The following PCDHGB4 variants were observed in gnomAD, a reference collection of about 807,000 sequenced individuals.
PCDHGB4 encodes protocadherin gamma subfamily B, 4.
In PCDHGB4, 38 loss-of-function variants were observed where a neutral mutation model predicts 60.5. The observed-to-expected ratio is 0.63, with a 90% CI of 0.48 to 0.82. The LOEUF is 0.82. Among genes scored for constraint, PCDHGB4 ranks in the 40% least tolerant of loss-of-function variants. The probability of loss-of-function intolerance (pLI) is 0.00; values close to 1 mark genes in which losing one functional copy is unlikely to be tolerated. For missense variants in PCDHGB4, 1,109 were observed against 1,209.6 expected (o/e 0.92, Z 1.23); for synonymous variants, 456 against 509.7 (o/e 0.89, Z 1.42).
At chr5:141,392,945 C>A in intron 1 of PCDHGB4, 2 of 1,613,916 alleles carry the variant, frequency 1.2e-6, no homozygotes, top group Non-Finnish European at 1.7e-6. Flanking sequence ...AAGGCTCCTT[C>A]GTGGGTAATA....
chr5:141,410,849 C>CTTTTTTTTCTTTTT (rs2095433387), intron 1 of PCDHGB4: 1 of 129,786 alleles, frequency 7.7e-6, no homozygotes, highest in African/African-American at 6.0e-5. Flanking sequence ...TTGTCTTTGT[C>CTTTTTTTTCTTTTT]TTTTTTTTTT....
intron 1 of PCDHGB4, chr5:141,423,320 T>C: frequency 6.2e-7 from 1 of 1,614,148 alleles, no homozygotes; most frequent in Non-Finnish European, 8.5e-7. Flanking sequence ...GTGGTGGCGG[T>C]GGCCGCAGTC....
In PCDHGB4 at chr5:141,490,584, T is replaced by C; in HGVS notation, c.2398-4223T>C. The stretch of plus-strand genomic sequence containing the variant: ...TCAGGCTCAACATTTCAGATGTCAA[T>C]GACAATGCACCCCGCTTCAACCAGC... On this transcript the variant is annotated intron_variant, in intron 1 of 3. Coordinates refer to ENST00000519479, the MANE Select transcript of PCDHGB4 (RefSeq NM_003736.4). The surrounding 1 kb of genome is among the most constrained non-coding windows in gnomAD (Gnocchi z 5.4). 6.2e-7 allele frequency: 1 copy of C among 1,614,170 alleles called. No individual in the cohort carries two copies. Among genetic ancestry groups the C allele is most frequent in the South Asian group, 1.1e-5 (1 of 91,080 alleles).
chr5:141,404,932 C>A, intron 1 of PCDHGB4: 1 of 1,613,944 alleles, frequency 6.2e-7, no homozygotes, highest in Non-Finnish European at 8.5e-7. Flanking sequence ...CTGTCACGCT[C>A]ACAGTAGCCA....
Position 141,485,302 on chromosome 5 carries a change from T to C in PCDHGB4, c.2398-9505T>C. 1.2e-6 allele frequency: 2 copies of C among 1,614,152 alleles called. No homozygotes were observed. Among genetic ancestry groups the C allele is most frequent in the South Asian group, 2.2e-5 (2 of 91,078 alleles). On this transcript the variant is annotated intron_variant, in intron 1 of 3. Coordinates refer to ENST00000519479, the MANE Select transcript of PCDHGB4 (RefSeq NM_003736.4). This position sits in a 1 kb window ranked among gnomAD's most constrained non-coding sequence, Gnocchi z 5.7. ...TCCCAGAGGAGTCACAGGAAGGGAC[T>C]TTTGTAGGGAATGTCGCTCAAGATT... is the stretch of plus-strand genomic sequence containing the variant.
In PCDHGB4 at chr5:141,477,247, T is replaced by C; in HGVS notation, c.2398-17560T>C. On this transcript the variant is annotated intron_variant, in intron 1 of 3. Transcript: ENST00000519479. This position sits in a 1 kb window ranked among gnomAD's most constrained non-coding sequence, Gnocchi z 4.9. ...CTGTCATCGCTTTGCTCAGTGTGAC[T>C]GACCTGGATGCTGGCGAGAACGGGC... The C allele has an allele frequency of 6.2e-7, 1 of 1,614,208 alleles. No individual in the cohort carries two copies. Among genetic ancestry groups the C allele is most frequent in the Non-Finnish European group, 8.5e-7 (1 of 1,180,040 alleles).
chr5:141,468,330 CAA>C lies in PCDHGB4; in HGVS notation c.2398-26459_2398-26458del, dbSNP rs533390277. 202 of 79,822 alleles carry C rather than the reference CAA, an allele frequency of 2.5e-3. 2 individuals are homozygous for C. The highest frequency in any genetic ancestry group is 7.9e-3 in the Middle Eastern group (1 of 126). The allele number at this position is 79,822 out of a possible 1,614,324, so 4.9% of individuals were successfully genotyped here. Reference sequence around the variant, plus strand: ...ACAAGAGCAACGGTAAACTCCATCTCAAAAAAAAAAAAAAAAAAAGAAAGAAA... The same window carrying C: ...ACAAGAGCAACGGTAAACTCCATCTCAAAAAAAAAAAAAAAAAGAAAGAAA... On this transcript the variant is annotated intron_variant, in intron 1 of 3. Transcript: ENST00000519479.
chr5:141,447,299 C>A (rs543731556), intron 1 of PCDHGB4, among the ~76,000 whole-genome samples: 38 of 152,102 alleles, frequency 2.5e-4, no homozygotes, highest in Middle Eastern at 6.8e-3. Context: ...GCCACCACAC[C>A]CGGCTAATTT....
intron 1 of PCDHGB4, among the ~76,000 whole-genome samples, chr5:141,459,747 A>G (rs553965181): frequency 3.2e-4 from 48 of 152,318 alleles, no homozygotes; most frequent in African/African-American, 1.1e-3. Flanking sequence ...AATTTTAGCA[A>G]TTCTAGTGGG....
chr5:141,462,375 T>G (rs2099038282), intron 1 of PCDHGB4, among the ~76,000 whole-genome samples: 1 of 152,252 alleles, frequency 6.6e-6, no homozygotes, highest in Non-Finnish European at 1.5e-5. Context: ...TTCTATTCTT[T>G]TAAATTCGTT....
At chr5:141,393,524 C>T (rs1197723193) in intron 1 of PCDHGB4, 4 of 1,614,010 alleles carry the variant, frequency 2.5e-6, no homozygotes, top group South Asian at 2.2e-5. Context: ...ATACAAATGA[C>T]AATGCCCCGG....
rs1196201183 is a variant in PCDHGB4, at chr5:141,490,944, G to A, written c.2398-3863G>A. ...ATGCCCCAGCTGTGCTGCACCCACG[G>A]CCAGACTGGGAACACTCAGCCCCCC... On this transcript the variant is annotated intron_variant, in intron 1 of 3. Transcript: ENST00000519479. This position sits in a 1 kb window ranked among gnomAD's most constrained non-coding sequence, Gnocchi z 5.4. 6.2e-7 allele frequency: 1 copy of A among 1,613,488 alleles called. No individual in the cohort carries two copies. The highest frequency in any genetic ancestry group is 1.3e-5 in the African/African-American group (1 of 74,906).
At chr5:141,429,468 A>G (rs2097217267) in intron 1 of PCDHGB4, among the ~76,000 whole-genome samples, 1 of 152,048 alleles carries the variant, frequency 6.6e-6, no homozygotes, top group Admixed American at 6.6e-5. Flanking sequence ...TCCCACCTCA[A>G]TCTCCAGAGT....
Position 141,490,157 on chromosome 5 carries a change from G to T in PCDHGB4, c.2398-4650G>T. 1 of 1,614,210 alleles carries T rather than the reference G, an allele frequency of 6.2e-7. No homozygotes were observed. The highest frequency in any genetic ancestry group is 8.5e-7 in the Non-Finnish European group (1 of 1,180,038). On this transcript the variant is annotated intron_variant, in intron 1 of 3. Transcript: ENST00000519479. This position sits in a 1 kb window ranked among gnomAD's most constrained non-coding sequence, Gnocchi z 5.4. ...AGCAGTGGGGCAATCCATGTGTTGGGTCCCATAGACTTTGAGGAGTCACGT... is the reference window on the plus strand; with the variant it reads ...AGCAGTGGGGCAATCCATGTGTTGGTTCCCATAGACTTTGAGGAGTCACGT...
rs61612330 is a variant in PCDHGB4 at position 141,454,796 on chromosome 5, A to ATTTTTTTTTT, written c.2398-39991_2398-39982dup. Among the ~76,000 whole-genome samples, 264 of 77,454 alleles carry ATTTTTTTTTT rather than the reference A, an allele frequency of 3.4e-3. 39 individuals carry two copies. Among genetic ancestry groups the ATTTTTTTTTT allele is most frequent in the African/African-American group, 0.012 (196 of 16,878 alleles). 50.8% of individuals were successfully genotyped at this position (77,454 alleles called of 152,430 possible). A position where few individuals can be genotyped will look rare whatever the true frequency, so the allele number is the denominator to read the frequency against. ...AAGGAAATAATCCTCCATGGTTCTA[A>ATTTTTTTTTT]TTTTTTTTTTTTTTTTTTTTTTTTT... On this transcript the variant is annotated intron_variant, in intron 1 of 3. Transcript: ENST00000519479.
At chr5:141,502,291 G>A (rs1346186675) in intron 2 of PCDHGB4, among the ~76,000 whole-genome samples, 1 of 151,370 alleles carries the variant, frequency 6.6e-6, no homozygotes, top group African/African-American at 2.5e-5. Context: ...GCATTTGGTT[G>A]TCACGTCTTT....
At chr5:141,468,063 A>G (rs2099157033) in intron 1 of PCDHGB4, among the ~76,000 whole-genome samples, 1 of 152,064 alleles carries the variant, frequency 6.6e-6, no homozygotes, top group South Asian at 2.1e-4. Flanking sequence ...AGTGGCTCAC[A>G]CCTGTAATCC....
intron 1 of PCDHGB4, chr5:141,392,696 T>A: frequency 8.2e-7 from 1 of 1,212,692 alleles, no homozygotes. Flanking sequence ...ACCCGACCCC[T>A]GTTTGGAGGC....
chr5:141,482,891 G>A (rs1594277958), intron 1 of PCDHGB4, among the ~76,000 whole-genome samples: 2 of 152,168 alleles, frequency 1.3e-5, no homozygotes, highest in East Asian at 3.8e-4. Flanking sequence ...GGCCAACATG[G>A]TGAAACCTCA....
Sources: allele counts gnomAD v4.1 joint callset (sites outside exome capture counted in the v4.1 genomes callset), GRCh38; gene constraint gnomAD v4.1.1; non-coding constraint Gnocchi (gnomAD v3.1); transcripts MANE v1.5; gene names NCBI Gene and HGNC (gene_info 2026-07-23, HGNC 2026-07-21).